CDCA4: variants seen among roughly 807,000 people sequenced by gnomAD.
The protein encoded by CDCA4 is cell division cycle-associated protein 4.
For missense variants in CDCA4, 294 were observed against 322.1 expected (o/e 0.91, Z 0.67); for synonymous variants, 130 against 137.0 (o/e 0.95, Z 0.36).
chr14:105,015,839 A>C (rs1236448934), intron 1 of CDCA4, among the ~76,000 whole-genome samples: 1 of 152,046 alleles, frequency 6.6e-6, no homozygotes, highest in South Asian at 2.1e-4. Flanking sequence ...TAATTTTTAT[A>C]TTTTCAGTAG....
In CDCA4 at chr14:105,011,374, T is replaced by C; in HGVS notation, c.556A>G (p.Ser186Gly). 6.2e-7 allele frequency: 1 copy of C among 1,614,224 alleles called. No homozygotes were observed. The highest frequency in any genetic ancestry group is 8.5e-7 in the Non-Finnish European group (1 of 1,180,018). Reference sequence around the variant, plus strand: ...ACTGTGTCCAGGTCGTAGTAGGGGCTGTCCACGTCTGAGAACAGCTCTTCC... The same window carrying C: ...ACTGTGTCCAGGTCGTAGTAGGGGCCGTCCACGTCTGAGAACAGCTCTTCC... The part of the protein sequence containing the change: ...CMEELFSDVD[S>G]PYYDLDTVLT... The change falls in exon 2 of 2, where the codon AGC becomes GGC. Residue 186 changes from serine (S) to glycine (G), a missense_variant. Ser to Gly is a moderately conservative substitution (Grantham distance 56). Coordinates refer to ENST00000336219, the MANE Select transcript of CDCA4 (RefSeq NM_017955.4).
intron 1 of CDCA4, among the ~76,000 whole-genome samples, chr14:105,015,356 G>A (rs1900617896): frequency 2.5e-5 from 1 of 40,312 alleles, no homozygotes; most frequent in Non-Finnish European, 1.2e-4. Context: ...TGCTCTGAGC[G>A]AGGGAATATA....
At position 105,010,743 on chromosome 14, in the gene CDCA4, G is replaced by A. The variant is rs150531784; in HGVS notation, c.*461C>T. 6.4e-6 allele frequency: 1 copy of A among 156,796 alleles called. No individual in the cohort carries two copies. Among genetic ancestry groups the A allele is most frequent in the African/African-American group, 2.4e-5 (1 of 41,716 alleles). 9.7% of individuals were successfully genotyped at this position (156,796 alleles called of 1,614,324 possible). On this transcript the variant is annotated 3_prime_UTR_variant, in exon 2 of 2. Coordinates refer to ENST00000336219, the MANE Select transcript of CDCA4 (RefSeq NM_017955.4). ...AAGTTCTAATGTAGCAGCAAAGGAT[G>A]TTTATAGAAAAAATATACTTTTAAG...
intron 1 of CDCA4, among the ~76,000 whole-genome samples, chr14:105,017,142 G>C (rs549923823): frequency 5.3e-5 from 8 of 152,260 alleles, no homozygotes; most frequent in African/African-American, 1.9e-4. Context: ...AGGACCAGCA[G>C]GTGTGAGCCT....
chr14:105,015,072 C>T (rs1297467073), intron 1 of CDCA4, among the ~76,000 whole-genome samples: 1 of 152,222 alleles, frequency 6.6e-6, no homozygotes, highest in African/African-American at 2.4e-5. Flanking sequence ...AGAAGACCCA[C>T]AACCACACTG....
intron 1 of CDCA4, among the ~76,000 whole-genome samples, chr14:105,014,306 G>A (rs1900588399): frequency 6.6e-6 from 1 of 152,182 alleles, no homozygotes; most frequent in African/African-American, 2.4e-5. Flanking sequence ...CATCCTACAA[G>A]GATGCCGGCC....
In CDCA4 at chr14:105,011,291, C is replaced by G. The variant is rs902501901; in HGVS notation, c.639G>C (p.Leu213Phe). The G allele has an allele frequency of 1.9e-6, 3 of 1,614,026 alleles. No individual in the cohort carries two copies. In the African/African-American group the frequency reaches 4.0e-5, roughly 22 times the overall value. The change falls in exon 2 of 2, where the codon TTG (leucine) becomes TTC (phenylalanine). Residue 213 changes from leucine to phenylalanine, a missense_variant. Coordinates refer to ENST00000336219, the MANE Select transcript of CDCA4 (RefSeq NM_017955.4). Reference sequence around the variant, plus strand: ...AGCTAGGGCCTGGGGTGGCCGGAGCCAAGCCCTCGAGCCCTTCGCAGGGGC... The same window carrying G: ...AGCTAGGGCCTGGGGTGGCCGGAGCGAAGCCCTCGAGCCCTTCGCAGGGGC... ...RPGPCEGLEG[L>F]APATPGPSSS...
intron 1 of CDCA4, among the ~76,000 whole-genome samples, chr14:105,018,225 GAT>G (rs1283878461): frequency 2.0e-5 from 3 of 150,784 alleles, no homozygotes; most frequent in Non-Finnish European, 4.5e-5. Flanking sequence ...AGGGACGAGA[GAT>G]AATCCCCATC....
At chr14:105,012,349 T>C (rs953507884) in intron 1 of CDCA4, among the ~76,000 whole-genome samples, 10 of 152,236 alleles carry the variant, frequency 6.6e-5, no homozygotes, top group Non-Finnish European at 2.9e-5. Flanking sequence ...ATGAGATTAA[T>C]GTGAACCGTG....
At chr14:105,014,701 C>G (rs1279366012) in intron 1 of CDCA4, among the ~76,000 whole-genome samples, 2 of 152,160 alleles carry the variant, frequency 1.3e-5, no homozygotes, top group African/African-American at 4.8e-5. Context: ...CTAAGTATAT[C>G]GAGAATTAAC....
In CDCA4 at chr14:105,011,875, C is replaced by T. The variant is rs1364327563; in HGVS notation, c.55G>A (p.Gly19Arg). 6.2e-7 allele frequency: 1 copy of T among 1,613,918 alleles called. No homozygotes were observed. The highest frequency in any genetic ancestry group is 1.1e-5 in the South Asian group (1 of 91,084). Residue 19 changes from glycine to arginine, a missense_variant, in exon 2 of 2, where the codon GGA becomes AGA. Gly to Arg is a moderately radical substitution (Grantham distance 125). Coordinates refer to ENST00000336219, the MANE Select transcript of CDCA4 (RefSeq NM_017955.4). ...ACTGTCTTCAAGCCGGCCAGGGCTC[C>T]CTCCACGTCTTCCTCGTGGCCAACA... ...KCVGHEEDVE[G>R]ALAGLKTVSS...
rs780223427 is a variant in CDCA4, at chr14:105,011,650, G to A, written c.280C>T (p.Arg94Cys). 3.1e-5 allele frequency: 50 copies of A among 1,613,594 alleles called. No individual in the cohort carries two copies. Among genetic ancestry groups the A allele is most frequent in the Middle Eastern group, 3.3e-4 (2 of 6,084 alleles). Reference sequence around the variant, plus strand: ...CACAGGATCTCCGTGGAGACCAAGCGGTCGAGCGGCGCCCGCTCTGCAGCC... The same window carrying A: ...CACAGGATCTCCGTGGAGACCAAGCAGTCGAGCGGCGCCCGCTCTGCAGCC... ...PQAAERAPLD[R>C]LVSTEILCRA... is the part of the protein sequence containing the mutation. Residue 94 changes from arginine to cysteine, a missense_variant, in exon 2 of 2, where the codon CGC (arginine) becomes TGC (cysteine). Coordinates refer to ENST00000336219, the MANE Select transcript of CDCA4 (RefSeq NM_017955.4).
intron 1 of CDCA4, among the ~76,000 whole-genome samples, chr14:105,014,441 C>T (rs780745806): frequency 9.2e-5 from 14 of 152,210 alleles, no homozygotes; most frequent in Non-Finnish European, 1.3e-4. Flanking sequence ...ATTTCCCCTA[C>T]AGCACCCATT....
chr14:105,012,635 G>A (rs779643319), intron 1 of CDCA4, among the ~76,000 whole-genome samples: 1 of 152,196 alleles, frequency 6.6e-6, no homozygotes, highest in Non-Finnish European at 1.5e-5. Flanking sequence ...TTCTCCAAGG[G>A]ACACAGGGTC....
intron 1 of CDCA4, among the ~76,000 whole-genome samples, chr14:105,017,031 T>G (rs1045811466): frequency 6.6e-6 from 1 of 152,218 alleles, no homozygotes; most frequent in South Asian, 2.1e-4. Flanking sequence ...AATAATCGTT[T>G]TATAAAATTT....
chr14:105,010,008 A>G lies in CDCA4; in HGVS notation c.*1196T>C, dbSNP rs1376786580. 1 of 152,364 alleles carries G rather than the reference A, an allele frequency of 6.6e-6. No individual in the cohort carries two copies. The highest frequency in any genetic ancestry group is 1.5e-5 in the Non-Finnish European group (1 of 68,040). 9.4% of individuals were successfully genotyped at this position (152,364 alleles called of 1,614,324 possible). A position where few individuals can be genotyped will look rare whatever the true frequency, so the allele number is the denominator to read the frequency against. On this transcript the variant is annotated 3_prime_UTR_variant, in exon 2 of 2. Transcript: ENST00000336219. Reference sequence around the variant, plus strand: ...ATATTTAAGAATGGCTATATGCACAAAAGAAAACACACCTTTTTGGTTAAG... The same window carrying G: ...ATATTTAAGAATGGCTATATGCACAGAAGAAAACACACCTTTTTGGTTAAG...
rs1280670339 is a variant in CDCA4 at position 105,021,040 on chromosome 14, C to T, written c.-48G>A. 1 of 152,824 alleles carries T rather than the reference C, an allele frequency of 6.5e-6. No homozygotes were observed. Among genetic ancestry groups the T allele is most frequent in the South Asian group, 1.8e-4 (1 of 5,542 alleles). 9.5% of individuals were successfully genotyped at this position (152,824 alleles called of 1,614,324 possible). On this transcript the variant is annotated 5_prime_UTR_variant, in exon 1 of 2. Transcript: ENST00000336219. ...CCCGCCGGGTCCTCTGCTCAGCCAC[C>T]GCCACCGCCGCTGCCGCCAGCTTCC...
In CDCA4 at chr14:105,011,674, C is replaced by T; in HGVS notation, c.256G>A (p.Ala86Thr). Residue 86 changes from alanine (A) to threonine (T), a missense_variant, in exon 2 of 2, where the codon GCT becomes ACT. Physicochemically the swap from Ala to Thr is moderately conservative, Grantham distance 58. Transcript: ENST00000336219. ...CGGTCGAGCGGCGCCCGCTCTGCAG[C>T]CTGGGGTGCCACTGTGCGCCACGTC... ...DGTWRTVAPQ[A>T]AERAPLDRLV... is the part of the protein sequence containing the mutation. The T allele has an allele frequency of 6.2e-7, 1 of 1,613,742 alleles. No homozygotes were observed. The highest frequency in any genetic ancestry group is 8.5e-7 in the Non-Finnish European group (1 of 1,179,986).
In CDCA4 at chr14:105,011,847, G is replaced by C; in HGVS notation, c.83C>G (p.Ser28Cys). The C allele has an allele frequency of 1.2e-6, 2 of 1,613,936 alleles. No homozygotes were observed. The highest frequency in any genetic ancestry group is 1.7e-6 in the Non-Finnish European group (2 of 1,180,040). ...CGACTGCCGCTGCAGGCTGTATGAG[G>C]ACACTGTCTTCAAGCCGGCCAGGGC... ...EGALAGLKTV[S>C]SYSLQRQSLL... Residue 28 changes from serine (S) to cysteine (C), a missense_variant, in exon 2 of 2, where the codon TCC becomes TGC. Coordinates refer to ENST00000336219, the MANE Select transcript of CDCA4 (RefSeq NM_017955.4).
Sources: allele counts gnomAD v4.1 joint callset (sites outside exome capture counted in the v4.1 genomes callset), GRCh38; gene constraint gnomAD v4.1.1; transcripts MANE v1.5; gene names NCBI Gene and HGNC (gene_info 2026-07-23, HGNC 2026-07-21).